Variants in TMEM267 observed in about 807,000 individuals in gnomAD.
TMEM267 encodes the protein transmembrane protein C5orf28.
TMEM267 carries 20 observed loss-of-function variants against 19.3 expected under a neutral mutation model. That is an observed-to-expected ratio of 1.04 (90% CI 0.73 to 1.51). The LOEUF (loss-of-function observed/expected upper bound fraction) is 1.51, where lower values mean the gene tolerates loss of function less well. TMEM267 is among the 40% of genes most tolerant of loss of function. The pLI is 0.00. For missense variants in TMEM267, 242 were observed against 261.9 expected (o/e 0.92, Z 0.52); for synonymous variants, 88 against 90.3 (o/e 0.97, Z 0.15).
At chr5:43,464,542 C>G (rs553342298) in intron 1 of TMEM267, among the ~76,000 whole-genome samples, 1 of 152,398 alleles carries the variant, frequency 6.6e-6, no homozygotes, top group East Asian at 1.9e-4. Context: ...ATCACGCTAC[C>G]TGACTTCAAA....
intron 1 of TMEM267, among the ~76,000 whole-genome samples, chr5:43,469,882 TA>T (rs1449910216): frequency 9.2e-5 from 14 of 152,344 alleles, no homozygotes; most frequent in African/African-American, 2.9e-4. Context: ...CCTGGCGATG[TA>T]AACGGATGGC....
At chr5:43,464,982 TG>T (rs776991761) in intron 1 of TMEM267, among the ~76,000 whole-genome samples, 1 of 152,192 alleles carries the variant, frequency 6.6e-6, no homozygotes, top group Non-Finnish European at 1.5e-5. Flanking sequence ...AAAGAGCTTC[TG>T]CACAGCAAAA....
chr5:43,477,588 C>T (rs1397990010), intron 1 of TMEM267, among the ~76,000 whole-genome samples: 1 of 93,492 alleles, frequency 1.1e-5, no homozygotes, highest in Non-Finnish European at 2.0e-5. Context: ...GAGACTCCGT[C>T]TCAAAAAAAA....
intron 1 of TMEM267, among the ~76,000 whole-genome samples, chr5:43,458,547 G>A (rs1743082622): frequency 6.6e-6 from 1 of 152,186 alleles, no homozygotes; most frequent in Non-Finnish European, 1.5e-5. Flanking sequence ...GGAGAATAAA[G>A]AAACTTTGGT....
intron 1 of TMEM267, among the ~76,000 whole-genome samples, chr5:43,482,337 A>C (rs1319683744): frequency 1.3e-5 from 2 of 152,242 alleles, no homozygotes; most frequent in African/African-American, 4.8e-5. Flanking sequence ...TTAGAAAAAG[A>C]GAAATTTACT....
intron 1 of TMEM267, among the ~76,000 whole-genome samples, chr5:43,462,417 T>C (rs763307744): frequency 3.6e-4 from 55 of 152,022 alleles, no homozygotes; most frequent in Non-Finnish European, 7.9e-4. Flanking sequence ...CAGGAAAACA[T>C]GACCTCACCA....
intron 1 of TMEM267, among the ~76,000 whole-genome samples, chr5:43,473,139 C>CAAAAAAA (rs71610311): frequency 2.4e-5 from 2 of 84,498 alleles, no homozygotes; most frequent in Non-Finnish European, 4.3e-5. Flanking sequence ...CTCCGTGTCA[C>CAAAAAAA]AAAAAAAAAA....
In TMEM267 at chr5:43,446,527, G is replaced by A; in HGVS notation, c.343C>T (p.Leu115Phe). 1.9e-6 allele frequency: 3 copies of A among 1,612,660 alleles called. No individual in the cohort carries two copies. Among genetic ancestry groups the A allele is most frequent in the South Asian group, 1.1e-5 (1 of 91,002 alleles). ...AALTLPRRPF[L>F]HCSTVIPVVV... is the part of the protein sequence containing the mutation. ...ACGGGAATCACAGTAGAACAGTGAA[G>A]GAAAGGTCTTCGCGGGAGAGTCAAA... The change falls in exon 3 of 3, where the codon CTT becomes TTT. Residue 115 changes from leucine (L) to phenylalanine (F), a missense_variant. Coordinates refer to ENST00000397080, the MANE Select transcript of TMEM267 (RefSeq NM_022483.5).
At chr5:43,452,552 C>T (rs772596941) in intron 2 of TMEM267, among the ~76,000 whole-genome samples, 1 of 147,448 alleles carries the variant, frequency 6.8e-6, no homozygotes, top group Admixed American at 6.8e-5. Context: ...AATACATACA[C>T]GTTATACAAC....
chr5:43,459,507 T>C (rs1743134420), intron 1 of TMEM267, among the ~76,000 whole-genome samples: 1 of 151,972 alleles, frequency 6.6e-6, no homozygotes, highest in South Asian at 2.1e-4. Context: ...CTTCACAATA[T>C]AGAAAATAAA....
At chr5:43,454,701 A>C (rs1408897521) in intron 1 of TMEM267, 1 of 152,210 alleles carries the variant, frequency 6.6e-6, no homozygotes, top group Non-Finnish European at 1.5e-5. Flanking sequence ...AGGTTCTCAG[A>C]GCTACCCTAG....
chr5:43,457,081 T>C (rs979828384), intron 1 of TMEM267, among the ~76,000 whole-genome samples: 6 of 152,338 alleles, frequency 3.9e-5, no homozygotes, highest in African/African-American at 1.4e-4. Context: ...GAAATGATTA[T>C]AGTAAGTGAA....
At chr5:43,470,625 T>C (rs1744009039) in intron 1 of TMEM267, among the ~76,000 whole-genome samples, 1 of 152,238 alleles carries the variant, frequency 6.6e-6, no homozygotes, top group Non-Finnish European at 1.5e-5. Context: ...AGATATTTTA[T>C]GTTCACAACA....
intron 1 of TMEM267, among the ~76,000 whole-genome samples, chr5:43,458,211 C>T (rs1360430327): frequency 6.6e-6 from 1 of 152,172 alleles, no homozygotes; most frequent in Non-Finnish European, 1.5e-5. Context: ...TGAGATCCCC[C>T]TGCCTCAGCC....
Position 43,454,038 on chromosome 5 carries a change from A to T in TMEM267, c.-69T>A, listed in dbSNP as rs1452251682. On this transcript the variant is annotated 5_prime_UTR_variant, in exon 2 of 3. Coordinates refer to ENST00000397080, the MANE Select transcript of TMEM267 (RefSeq NM_022483.5). ...ACAGTCTATTCTTGTTTACATTTCC[A>T]GCACCCTAAAGGAGAAAGTAGAGAA... 1 of 1,538,046 alleles carries T rather than the reference A, an allele frequency of 6.5e-7. No homozygotes were observed. The highest frequency in any genetic ancestry group is 8.7e-7 in the Non-Finnish European group (1 of 1,143,660).
chr5:43,483,821 C>G lies in TMEM267; in HGVS notation c.-75+1G>C, dbSNP rs926428484. ...CCACGCAGCGGCTCAGCCATACCCA[C>G]CCCGGCTTCTCTGAGTTCAATCCAG... On this transcript the variant is annotated splice_donor_variant, in intron 1 of 2. Transcript: ENST00000397080. LOFTEE classifies it low-confidence loss of function (5UTR_SPLICE). 2.6e-5 allele frequency: 4 copies of G among 152,418 alleles called. No individual in the cohort carries two copies. Among genetic ancestry groups the G allele is most frequent in the Admixed American group, 2.6e-4 (4 of 15,288 alleles). The allele number at this position is 152,418 out of a possible 1,614,324, so 9.4% of individuals were successfully genotyped here.
intron 1 of TMEM267, among the ~76,000 whole-genome samples, chr5:43,461,990 G>C (rs1419940576): frequency 6.6e-6 from 1 of 152,206 alleles, no homozygotes. Context: ...GTGAGACCAA[G>C]TGCCATGCTG....
At chr5:43,455,621 C>T (rs1022735685) in intron 1 of TMEM267, among the ~76,000 whole-genome samples, 18 of 152,114 alleles carry the variant, frequency 1.2e-4, no homozygotes, top group African/African-American at 3.1e-4. Context: ...GATCTTGGCT[C>T]GCTGCAACCT....
chr5:43,448,817 C>A (rs1742409604), intron 2 of TMEM267, among the ~76,000 whole-genome samples: 1 of 150,766 alleles, frequency 6.6e-6, no homozygotes. Flanking sequence ...TCTCTTGAAC[C>A]CTGTTCCTAG....
Sources: gnomAD v4.1 joint callset for allele counts (sites outside exome capture counted in the v4.1 genomes callset) on GRCh38, gnomAD v4.1.1 for gene constraint, MANE v1.5 for transcripts, NCBI Gene and HGNC (gene_info 2026-07-23, HGNC 2026-07-21) for gene names.